Variants in TRIM9 observed in about 807,000 individuals in gnomAD.
The protein encoded by TRIM9 is tripartite motif containing 9, also known as E3 ubiquitin-protein ligase TRIM9.
In TRIM9, 26 loss-of-function variants were observed where a neutral mutation model predicts 78.3. The ratio of observed to expected loss-of-function variants is 0.33; its 90% confidence interval spans 0.24 to 0.46. The LOEUF (loss-of-function observed/expected upper bound fraction) is 0.46. TRIM9 is among the 20% of genes least tolerant of loss of function. The pLI is 1.00. For synonymous variants in TRIM9, 398 were observed against 416.5 expected (o/e 0.96, Z 0.54); for missense variants, 787 against 1,036.4 (o/e 0.76, Z 3.30).
chr14:51,049,218 C>T (rs951513066), intron 1 of TRIM9, among the ~76,000 whole-genome samples: 12 of 152,130 alleles, frequency 7.9e-5, no homozygotes, highest in African/African-American at 2.7e-4. Flanking sequence ...TGCGCCATCA[C>T]ACCCGGCTAA....
intron 1 of TRIM9, among the ~76,000 whole-genome samples, chr14:51,073,809 T>C (rs2062514795): frequency 6.6e-6 from 1 of 152,228 alleles, no homozygotes; most frequent in Non-Finnish European, 1.5e-5. Flanking sequence ...CATATCTTTT[T>C]TGTTGTTTTT....
chr14:51,038,053 C>G (rs1331335761), intron 1 of TRIM9, among the ~76,000 whole-genome samples: 1 of 152,082 alleles, frequency 6.6e-6, no homozygotes, highest in Non-Finnish European at 1.5e-5. Context: ...AATGTCCATG[C>G]CCGAATCCCC....
At chr14:51,036,265 A>C (rs553926586) in intron 1 of TRIM9, among the ~76,000 whole-genome samples, 1 of 152,370 alleles carries the variant, frequency 6.6e-6, no homozygotes, top group South Asian at 2.1e-4. Context: ...TATTTACACC[A>C]TAGAAATTGG....
chr14:51,049,323 C>T (rs751110000), intron 1 of TRIM9, among the ~76,000 whole-genome samples: 7 of 152,176 alleles, frequency 4.6e-5, no homozygotes, highest in Non-Finnish European at 1.0e-4. Context: ...TACCAGGTCT[C>T]ACTGTGACTT....
intron 3 of TRIM9, among the ~76,000 whole-genome samples, chr14:51,014,742 TTGAGTTTTTCATAGAAAA>T (rs2056968138): frequency 1.3e-5 from 2 of 152,214 alleles, no homozygotes; most frequent in African/African-American, 4.8e-5. Flanking sequence ...TATTTCTACA[TTGAGTTTTTCATAGAAAA>T]TGATTCCTGG....
chr14:51,016,544 ATGT>A (rs1340180211), intron 3 of TRIM9, among the ~76,000 whole-genome samples: 3 of 147,356 alleles, frequency 2.0e-5, no homozygotes, highest in South Asian at 2.1e-4. Flanking sequence ...CAATAACATT[ATGT>A]TATTATTAGC....
intron 5 of TRIM9, among the ~76,000 whole-genome samples, chr14:51,005,861 C>T (rs2055721460): frequency 6.6e-6 from 1 of 152,130 alleles, no homozygotes; most frequent in Non-Finnish European, 1.5e-5. Context: ...AGATTGATCC[C>T]ATTGCTTGAG....
chr14:51,006,561 G>C (rs185048167), intron 5 of TRIM9, among the ~76,000 whole-genome samples: 1 of 152,110 alleles, frequency 6.6e-6, no homozygotes, highest in South Asian at 2.1e-4. Flanking sequence ...GGCTCTCACT[G>C]AATTAATTAA....
intron 1 of TRIM9, among the ~76,000 whole-genome samples, chr14:51,036,138 CT>C (rs1215225830): frequency 1.3e-5 from 2 of 152,272 alleles, no homozygotes; most frequent in East Asian, 3.9e-4. Flanking sequence ...CAAAAAGTGG[CT>C]CTTCCACCTC....
At position 51,047,175 on chromosome 14, in the gene TRIM9, G is replaced by C. The variant is rs1390607282; in HGVS notation, c.823-21815C>G. ...GTCCTATGTGGCTTTAAGTCTCTGG[G>C]CCTTTTAACATTCTGTCCCTTTTTT... On this transcript the variant is annotated intron_variant, in intron 1 of 12. Coordinates refer to ENST00000684578, the MANE Select transcript of TRIM9 (RefSeq NM_001387360.1). 4.6e-5 allele frequency among the ~76,000 whole-genome samples: 7 copies of C among 152,244 alleles called. 1 individual carries two copies. In the East Asian group the frequency reaches 1.4e-3, roughly 29 times the overall value.
chr14:51,065,496 C>T (rs1043130820), intron 1 of TRIM9, among the ~76,000 whole-genome samples: 1 of 152,108 alleles, frequency 6.6e-6, no homozygotes, highest in African/African-American at 2.4e-5. Flanking sequence ...AACACAAAGT[C>T]AAGGTTCATT....
chr14:50,992,301 G>T (rs2053610248), intron 7 of TRIM9, among the ~76,000 whole-genome samples: 1 of 152,138 alleles, frequency 6.6e-6, no homozygotes. Flanking sequence ...AAAGGAGCTG[G>T]GCACGGTGGC....
In TRIM9 at chr14:51,000,765, G is replaced by C. The variant is rs751048253; in HGVS notation, c.1382C>G (p.Ser461Cys). 1 of 1,614,202 alleles carries C rather than the reference G, an allele frequency of 6.2e-7. No individual in the cohort carries two copies. The highest frequency in any genetic ancestry group is 1.1e-5 in the South Asian group (1 of 91,080). Residue 461 changes from serine to cysteine, a missense_variant, in exon 6 of 13, where the codon TCC becomes TGC. Transcript: ENST00000684578. ...CGTGGACAGAGGTGGCTGTTTCCAG[G>C]ACAACGTAGCGCTGTTGTTGTGGGT... ...CCTHNNSATL[S>C]WKQPPLSTVP...
chr14:51,034,962 G>A (rs1351625196), intron 1 of TRIM9, among the ~76,000 whole-genome samples: 1 of 152,114 alleles, frequency 6.6e-6, no homozygotes, highest in Non-Finnish European at 1.5e-5. Flanking sequence ...CATAGTAAGT[G>A]TAATCTGAGT....
intron 1 of TRIM9, among the ~76,000 whole-genome samples, chr14:51,036,186 C>A (rs192997216): frequency 3.3e-4 from 50 of 152,280 alleles, no homozygotes; most frequent in Non-Finnish European, 6.3e-4. Context: ...TGAGCCAGCC[C>A]ACGGCACAAA....
At chr14:51,039,317 T>A (rs1411779216) in intron 1 of TRIM9, among the ~76,000 whole-genome samples, 1 of 152,188 alleles carries the variant, frequency 6.6e-6, no homozygotes, top group Non-Finnish European at 1.5e-5. Context: ...ATAGCATATG[T>A]CCACGAAAGA....
At chr14:51,060,245 C>T (rs927680931) in intron 1 of TRIM9, among the ~76,000 whole-genome samples, 2 of 152,182 alleles carry the variant, frequency 1.3e-5, no homozygotes, top group Admixed American at 1.3e-4. Context: ...TCAATTCTTA[C>T]CACCTTAGCC....
At chr14:51,033,171 C>A (rs1032485874) in intron 1 of TRIM9, among the ~76,000 whole-genome samples, 1 of 152,162 alleles carries the variant, frequency 6.6e-6, no homozygotes, top group African/African-American at 2.4e-5. Context: ...CTCACTGCAA[C>A]CTCCACCTCC....
intron 1 of TRIM9, among the ~76,000 whole-genome samples, chr14:51,080,098 G>A (rs1348382336): frequency 2.0e-5 from 3 of 151,976 alleles, no homozygotes; most frequent in Non-Finnish European, 4.4e-5. Context: ...ACTGCTATGT[G>A]TTTTCTGTGT....
Sources: allele counts gnomAD v4.1 joint callset (sites outside exome capture counted in the v4.1 genomes callset), GRCh38; gene constraint gnomAD v4.1.1; transcripts MANE v1.5; gene names NCBI Gene and HGNC (gene_info 2026-07-23, HGNC 2026-07-21).